The following LDLRAD4 variants were observed in gnomAD, a reference collection of about 807,000 sequenced individuals.
LDLRAD4 encodes the protein low density lipoprotein receptor class A domain containing 4, also known as low-density lipoprotein receptor class A domain-containing protein 4.
In LDLRAD4, 5 loss-of-function variants were observed where a neutral mutation model predicts 17.0. The observed-to-expected ratio is 0.29, with a 90% CI of 0.15 to 0.62. The LOEUF is 0.62. LDLRAD4 is among the 20% of genes least tolerant of loss of function. LDLRAD4 has a pLI of 0.84. For synonymous variants in LDLRAD4, 168 were observed against 171.8 expected (o/e 0.98, Z 0.17); for missense variants, 340 against 424.7 (o/e 0.80, Z 1.75).
chr18:13,308,989 T>G (rs2047073078), intron 1 of LDLRAD4, among the ~76,000 whole-genome samples: 1 of 152,252 alleles, frequency 6.6e-6, no homozygotes, highest in African/African-American at 2.4e-5. Context: ...TTCATATACT[T>G]TGCTTTGGTC....
chr18:13,533,967 C>G (rs558122130), intron 3 of LDLRAD4, among the ~76,000 whole-genome samples: 2 of 152,120 alleles, frequency 1.3e-5, no homozygotes, highest in Non-Finnish European at 2.9e-5. Flanking sequence ...TTGAGAGGGT[C>G]GTGAAGCTCT....
intron 4 of LDLRAD4, chr18:13,641,769 G>A: frequency 1.0e-6 from 1 of 985,586 alleles, no homozygotes; most frequent in South Asian, 4.7e-5. Context: ...CCGGGCCTCG[G>A]GGGCGCAGCC....
chr18:13,310,608 A>G (rs901754332), intron 1 of LDLRAD4, among the ~76,000 whole-genome samples: 8 of 152,030 alleles, frequency 5.3e-5, no homozygotes, highest in African/African-American at 9.7e-5. Flanking sequence ...CTGGACCCCT[A>G]CCCGCCCCTT....
rs370707500 is a variant in LDLRAD4, at chr18:13,322,290, C to CTTT, written c.-383+44121_-383+44123dup. Among the ~76,000 whole-genome samples, 61 of 109,732 alleles carry CTTT rather than the reference C, an allele frequency of 5.6e-4. 1 individual carries two copies. Among genetic ancestry groups the CTTT allele is most frequent in the African/African-American group, 1.8e-3 (47 of 26,458 alleles). 72.0% of individuals were successfully genotyped at this position (109,732 alleles called of 152,430 possible). A position where few individuals can be genotyped will look rare whatever the true frequency, so the allele number is the denominator to read the frequency against. ...TTATTTAAGCCAGTCACTTTTCTCACTTTTTTTTTTTTTTTTTTTTTGGTT... is the reference window on the plus strand; with the variant it reads ...TTATTTAAGCCAGTCACTTTTCTCACTTTTTTTTTTTTTTTTTTTTTTTTGGTT... On this transcript the variant is annotated intron_variant, in intron 1 of 5. Coordinates refer to ENST00000359446, the Ensembl canonical transcript of LDLRAD4.
At chr18:13,390,935 T>C (rs2086229767) in intron 2 of LDLRAD4, among the ~76,000 whole-genome samples, 1 of 152,188 alleles carries the variant, frequency 6.6e-6, no homozygotes, top group Non-Finnish European at 1.5e-5. Context: ...TCTGCCCACA[T>C]AGTTTGCAAG....
At chr18:13,632,569 A>C (rs145577550) in intron 4 of LDLRAD4, among the ~76,000 whole-genome samples, 1 of 152,358 alleles carries the variant, frequency 6.6e-6, no homozygotes, top group Non-Finnish European at 1.5e-5. Context: ...GCAGAGTCCC[A>C]AAGATGGTGT....
chr18:13,546,622 T>C (rs779597698), intron 3 of LDLRAD4, among the ~76,000 whole-genome samples: 1 of 152,086 alleles, frequency 6.6e-6, no homozygotes, highest in African/African-American at 2.4e-5. Context: ...TACTGCCATG[T>C]GATGTCACTG....
intron 2 of LDLRAD4, among the ~76,000 whole-genome samples, chr18:13,404,359 C>T (rs542623573): frequency 5.3e-5 from 8 of 152,260 alleles, no homozygotes; most frequent in Non-Finnish European, 7.4e-5. Flanking sequence ...TGGAGTGCCG[C>T]GACGGTGTGG....
intron 3 of LDLRAD4, among the ~76,000 whole-genome samples, chr18:13,618,332 C>T (rs182374692): frequency 2.0e-5 from 3 of 152,284 alleles, no homozygotes; most frequent in Admixed American, 6.5e-5. Flanking sequence ...GAGTCAGGGG[C>T]GCTGTGGGTT....
intron 2 of LDLRAD4, among the ~76,000 whole-genome samples, chr18:13,400,889 C>G (rs909601245): frequency 2.6e-5 from 4 of 152,176 alleles, no homozygotes; most frequent in African/African-American, 9.7e-5. Context: ...GCACTGGGGA[C>G]ACAGGGCTGA....
intron 1 of LDLRAD4, among the ~76,000 whole-genome samples, chr18:13,340,218 T>C (rs139490682): frequency 1.9e-3 from 289 of 152,352 alleles, no homozygotes; most frequent in African/African-American, 6.5e-3. Flanking sequence ...TGAATAATGC[T>C]GCTATGAACA....
chr18:13,426,330 G>T (rs1040987941), intron 2 of LDLRAD4, among the ~76,000 whole-genome samples: 1 of 152,192 alleles, frequency 6.6e-6, no homozygotes, highest in Non-Finnish European at 1.5e-5. Flanking sequence ...GTACTATAAA[G>T]AAGTTCTTTA....
intron 3 of LDLRAD4, among the ~76,000 whole-genome samples, chr18:13,449,221 G>A (rs566877614): frequency 1.2e-4 from 18 of 152,352 alleles, no homozygotes; most frequent in African/African-American, 3.4e-4. Context: ...AAAAATTGCC[G>A]TGGTCCTCCG....
chr18:13,526,765 T>C (rs1414061347), intron 3 of LDLRAD4: 2 of 152,144 alleles, frequency 1.3e-5, no homozygotes, highest in Non-Finnish European at 2.9e-5. Flanking sequence ...GAGCTGGGCC[T>C]CAAAGAGGAC....
rs541066999 is a variant in LDLRAD4, at chr18:13,319,800, C to T, written c.-383+41612C>T. 1.0e-3 allele frequency among the ~76,000 whole-genome samples: 157 copies of T among 152,276 alleles called. 1 individual carries two copies. The highest frequency in any genetic ancestry group is 1.4e-3 in the Non-Finnish European group (95 of 68,026). ...TTCCAGGGGCTGAATTTTGGAAACC[C>T]CGCATGAGATGACCTTTGAGGTCAA... On this transcript the variant is annotated intron_variant, in intron 1 of 5. Coordinates refer to ENST00000359446, the Ensembl canonical transcript of LDLRAD4.
chr18:13,379,834 C>A (rs1326048641), intron 1 of LDLRAD4, among the ~76,000 whole-genome samples: 1 of 152,244 alleles, frequency 6.6e-6, no homozygotes, highest in African/African-American at 2.4e-5. Context: ...CTCCCCCTCC[C>A]TTCCTGCCCA....
At chr18:13,556,935 A>G (rs2094490138) in intron 3 of LDLRAD4, among the ~76,000 whole-genome samples, 1 of 152,174 alleles carries the variant, frequency 6.6e-6, no homozygotes, top group Admixed American at 6.5e-5. Flanking sequence ...TGATTAATAG[A>G]TATTAGCAAT....
chr18:13,258,488 A>G (rs967253920), intron 1 of LDLRAD4, among the ~76,000 whole-genome samples: 7 of 152,048 alleles, frequency 4.6e-5, no homozygotes, highest in African/African-American at 1.7e-4. Context: ...GGAATTGGCT[A>G]TTTATTTTAT....
intron 1 of LDLRAD4, among the ~76,000 whole-genome samples, chr18:13,221,575 T>G (rs1203333570): frequency 6.6e-6 from 1 of 152,238 alleles, no homozygotes. Flanking sequence ...CATTGTTTGC[T>G]TCATTGTTAG....
Sources: gnomAD v4.1 joint callset for allele counts (sites outside exome capture counted in the v4.1 genomes callset) on GRCh38, gnomAD v4.1.1 for gene constraint, MANE v1.5 for transcripts, NCBI Gene and HGNC (gene_info 2026-07-23, HGNC 2026-07-21) for gene names.